Variants in GRIP2 observed in about 807,000 individuals in gnomAD.
The protein encoded by GRIP2 is glutamate receptor interacting protein 2.
In GRIP2, 58 loss-of-function variants were observed where a neutral mutation model predicts 108.3. That is an observed-to-expected ratio of 0.54 (90% CI 0.43 to 0.67). The LOEUF (loss-of-function observed/expected upper bound fraction) is 0.67. GRIP2 is among the 30% of genes least tolerant of loss of function. GRIP2 has a pLI of 0.00. For missense variants in GRIP2, 1,278 were observed against 1,430.6 expected, an observed-to-expected ratio of 0.89 and a Z score of 1.72; for synonymous variants, 586 against 598.2, an observed-to-expected ratio of 0.98 and a Z score of 0.30.
chr3:14,540,518 C>T (rs1280889300), upstream of GRIP2: 2 of 1,157,626 alleles, frequency 1.7e-6, no homozygotes, highest in African/African-American at 3.1e-5. This position sits in a 1 kb window ranked among gnomAD's most constrained non-coding sequence, Gnocchi z 4.1. Context: ...CCAACATGCC[C>T]CACCCCTGCA....
At chr3:14,508,994 G>A (rs1205180912) in intron 17 of GRIP2, among the ~76,000 whole-genome samples, 2 of 152,188 alleles carry the variant, frequency 1.3e-5, no homozygotes, top group South Asian at 2.1e-4. Context: ...GCACACAGCA[G>A]GTGCCCAGTA....
chr3:14,499,088 G>C (rs1489070661), intron 21 of GRIP2, among the ~76,000 whole-genome samples: 1 of 152,174 alleles, frequency 6.6e-6, no homozygotes, highest in Non-Finnish European at 1.5e-5. Context: ...CAGGCGGGGA[G>C]GGGGAGGATC....
chr3:14,540,527 C>A, upstream of GRIP2: 1 of 1,065,600 alleles, frequency 9.4e-7, no homozygotes, highest in Non-Finnish European at 1.3e-6. The surrounding 1 kb of genome is among the most constrained non-coding windows in gnomAD (Gnocchi z 4.1). Context: ...CCCACCCCTG[C>A]AGCCTGGGTC....
the GRIP2 span, among the ~76,000 whole-genome samples, chr3:14,561,324 G>A: frequency 6.6e-6 from 1 of 152,360 alleles, no homozygotes. Context: ...GTGCACTACT[G>A]TGTGGCCTCG....
intron 21 of GRIP2, among the ~76,000 whole-genome samples, chr3:14,499,294 A>G (rs1693701951): frequency 6.6e-6 from 1 of 152,242 alleles, no homozygotes; most frequent in African/African-American, 2.4e-5. Context: ...AGAGCGCAGC[A>G]AGGCGGGTGC....
upstream of GRIP2, among the ~76,000 whole-genome samples, chr3:14,543,738 G>A (rs760380246): frequency 2.6e-5 from 4 of 152,218 alleles, no homozygotes; most frequent in Admixed American, 6.5e-5. Context: ...GGTGACATGC[G>A]AGGGGGCTGA....
chr3:14,589,531 A>T, the GRIP2 span, among the ~76,000 whole-genome samples: 1 of 152,056 alleles, frequency 6.6e-6, no homozygotes, highest in South Asian at 2.1e-4. Flanking sequence ...CCCTATAGAC[A>T]GTTGGTTTAT....
At chr3:14,599,685 C>CTGTGTGTGTGTGTGTGTGTG in the GRIP2 span, among the ~76,000 whole-genome samples, 1 of 127,466 alleles carries the variant, frequency 7.8e-6, no homozygotes, top group African/African-American at 2.9e-5. Context: ...CTCTCTCTCT[C>CTGTGTGTGTGTGTGTGTGTG]TGTGTGTGTG....
the GRIP2 span, among the ~76,000 whole-genome samples, chr3:14,578,091 A>G: frequency 3.3e-5 from 5 of 152,314 alleles, no homozygotes; most frequent in South Asian, 4.1e-4. Flanking sequence ...TCTTCCTGCC[A>G]TCTCCACTGT....
chr3:14,601,548 T>C, the GRIP2 span, among the ~76,000 whole-genome samples: 1 of 151,938 alleles, frequency 6.6e-6, no homozygotes, highest in African/African-American at 2.4e-5. Flanking sequence ...GAGTGGAGGG[T>C]CTGCTCCCTC....
the GRIP2 span, among the ~76,000 whole-genome samples, chr3:14,598,143 A>T: frequency 6.6e-6 from 1 of 151,534 alleles, no homozygotes; most frequent in Non-Finnish European, 1.5e-5. Flanking sequence ...ACAAACACAC[A>T]CAGGACCTGG....
the GRIP2 span, among the ~76,000 whole-genome samples, chr3:14,579,808 T>C: frequency 0.034 from 5,135 of 152,316 alleles, 265 homozygotes; most frequent in African/African-American, 0.12. Context: ...CCAGTATCCA[T>C]TGACCACGAG....
chr3:14,515,035 T>C (rs1023363971), intron 11 of GRIP2, among the ~76,000 whole-genome samples: 4 of 152,232 alleles, frequency 2.6e-5, no homozygotes, highest in Non-Finnish European at 4.4e-5. Flanking sequence ...ACCGCGAATC[T>C]ACTTTCATCT....
At chr3:14,596,650 T>C in the GRIP2 span, among the ~76,000 whole-genome samples, 1 of 152,172 alleles carries the variant, frequency 6.6e-6, no homozygotes, top group South Asian at 2.1e-4. Context: ...TATGAGCACT[T>C]AACATAAAAC....
rs1487105785 is a variant in GRIP2, at chr3:14,514,496, C to A, written c.1307-18G>T. ...TAGCGACACTGTAGGACAGGTGGGC[C>A]CAGCATTCAGGTGAGCCGCCCCACG... is the stretch of plus-strand genomic sequence containing the variant. On this transcript the variant is annotated intron_variant, in intron 11 of 23. Coordinates refer to ENST00000621039, the MANE Select transcript of GRIP2 (RefSeq NM_001080423.4). 2 of 1,531,814 alleles carry A rather than the reference C, an allele frequency of 1.3e-6. No individual in the cohort carries two copies. The allele number at this position is 1,531,814 out of a possible 1,614,324, so 94.9% of individuals were successfully genotyped here.
At chr3:14,579,383 T>C in the GRIP2 span, among the ~76,000 whole-genome samples, 1 of 152,086 alleles carries the variant, frequency 6.6e-6, no homozygotes, top group Non-Finnish European at 1.5e-5. Context: ...AATGAGTGTG[T>C]TTTACTGTAT....
chr3:14,536,572 C>T (rs527299767), intron 1 of GRIP2, among the ~76,000 whole-genome samples: 91 of 152,184 alleles, frequency 6.0e-4, no homozygotes, highest in Non-Finnish European at 1.1e-3. Flanking sequence ...CTGGAGAGGC[C>T]GCCACCCCCA....
chr3:14,602,450 G>A, the GRIP2 span, among the ~76,000 whole-genome samples: 1 of 152,174 alleles, frequency 6.6e-6, no homozygotes, highest in East Asian at 1.9e-4. This position sits in a 1 kb window ranked among gnomAD's most constrained non-coding sequence, Gnocchi z 4.7. Flanking sequence ...TGGGTGCGAC[G>A]GACCGCAGCC....
At chr3:14,546,789 G>A (rs972984486), upstream of GRIP2, among the ~76,000 whole-genome samples, 2 of 152,172 alleles carry the variant, frequency 1.3e-5, no homozygotes, top group African/African-American at 4.8e-5. Flanking sequence ...GCAAATGCTG[G>A]AAATGCAGAC....
Sources: allele counts gnomAD v4.1 joint callset (sites outside exome capture counted in the v4.1 genomes callset), GRCh38; gene constraint gnomAD v4.1.1; non-coding constraint Gnocchi (gnomAD v3.1); transcripts MANE v1.5; gene names NCBI Gene and HGNC (gene_info 2026-07-23, HGNC 2026-07-21).